Variants in MYO16 observed in about 807,000 individuals in gnomAD.
MYO16 encodes unconventional myosin-XVI.
A neutral mutation model predicts 205.3 loss-of-function variants in MYO16; 94 were observed. That is an observed-to-expected ratio of 0.46 (90% CI 0.39 to 0.54). MYO16 has a LOEUF of 0.54. Among genes scored for constraint, MYO16 ranks in the 20% least tolerant of loss-of-function variants. MYO16 has a pLI of 0.00. For missense variants in MYO16, 2,315 were observed against 2,387.5 expected (o/e 0.97, Z 0.63); for synonymous variants, 988 against 954.0 (o/e 1.04, Z -0.66).
At chr13:108,774,811 C>T (rs1477900887) in intron 4 of MYO16, among the ~76,000 whole-genome samples, 1 of 152,112 alleles carries the variant, frequency 6.6e-6, no homozygotes, top group East Asian at 1.9e-4. Context: ...TGTTAGTAGG[C>T]ACCAAATATC....
intron 27 of MYO16, among the ~76,000 whole-genome samples, chr13:109,078,416 G>A (rs941678674): frequency 1.3e-5 from 2 of 151,930 alleles, no homozygotes; most frequent in African/African-American, 2.4e-5. Context: ...GCTCCGGTCT[G>A]GGCAACAGAG....
chr13:109,207,131 G>A lies in MYO16; in HGVS notation c.*295G>A, dbSNP rs1011311538. ...GAGAGAGGCTGGGAAAAGTGTGGAC[G>A]TGGCCAGAGCGAGAGAGTAGCGGAG... On this transcript the variant is annotated 3_prime_UTR_variant, in exon 35 of 35. Coordinates refer to ENST00000457511, the MANE Select transcript of MYO16 (RefSeq NM_001198950.3). 2.1e-5 allele frequency: 8 copies of A among 376,770 alleles called. No homozygotes were observed. Among genetic ancestry groups the A allele is most frequent in the African/African-American group, 1.0e-4 (5 of 49,220 alleles). The allele number at this position is 376,770 out of a possible 1,614,324, so 23.3% of individuals were successfully genotyped here. A position where few individuals can be genotyped will look rare whatever the true frequency, so the allele number is the denominator to read the frequency against.
chr13:108,816,251 AAAAT>A (rs1485812642), intron 7 of MYO16, among the ~76,000 whole-genome samples: 2 of 152,192 alleles, frequency 1.3e-5, no homozygotes, highest in Non-Finnish European at 2.9e-5. Context: ...TACTTAAAAG[AAAAT>A]AAATAAAAGT....
chr13:108,781,746 G>T (rs1886311067), intron 4 of MYO16, among the ~76,000 whole-genome samples: 1 of 152,156 alleles, frequency 6.6e-6, no homozygotes, highest in East Asian at 1.9e-4. Flanking sequence ...GAGGGACCCA[G>T]GGGGAGGTAA....
At chr13:109,142,472 A>C (rs934777571) in intron 32 of MYO16, among the ~76,000 whole-genome samples, 9 of 151,824 alleles carry the variant, frequency 5.9e-5, no homozygotes, top group African/African-American at 2.2e-4. Flanking sequence ...CCTAGAACTA[A>C]ATTGAAAGGA....
chr13:108,536,647 A>G, the MYO16 span, among the ~76,000 whole-genome samples: 2 of 152,110 alleles, frequency 1.3e-5, no homozygotes, highest in Non-Finnish European at 2.9e-5. Flanking sequence ...CAATTTAATG[A>G]CTTGACAATA....
At chr13:108,525,900 A>C in the MYO16 span, among the ~76,000 whole-genome samples, 1 of 151,378 alleles carries the variant, frequency 6.6e-6, no homozygotes, top group African/African-American at 2.4e-5. Context: ...TTCTTGTTTT[A>C]AGTGTGGCAA....
At chr13:108,931,454 C>T (rs556267355) in intron 16 of MYO16, among the ~76,000 whole-genome samples, 7 of 152,342 alleles carry the variant, frequency 4.6e-5, no homozygotes, top group African/African-American at 7.2e-5. Flanking sequence ...TGAGGACCTT[C>T]TGCTATTTGT....
rs1411979313 is a variant in MYO16 at position 109,140,145 on chromosome 13, C to T, written c.4052-119C>T. 1 of 1,481,098 alleles carries T rather than the reference C, an allele frequency of 6.8e-7. No individual in the cohort carries two copies. Among genetic ancestry groups the T allele is most frequent in the Non-Finnish European group, 8.9e-7 (1 of 1,125,592 alleles). The allele number at this position is 1,481,098 out of a possible 1,614,324, so 91.7% of individuals were successfully genotyped here. A position where few individuals can be genotyped will look rare whatever the true frequency, so the allele number is the denominator to read the frequency against. Reference sequence around the variant, plus strand: ...CTAGTGGGTGGAGGAACATGCAGGCCCGGTCCCTTGGGATTCTCGGGGCAC... The same window carrying T: ...CTAGTGGGTGGAGGAACATGCAGGCTCGGTCCCTTGGGATTCTCGGGGCAC... On this transcript the variant is annotated intron_variant, in intron 31 of 34. Transcript: ENST00000457511. This position sits in a 1 kb window ranked among gnomAD's most constrained non-coding sequence, Gnocchi z 8.0.
chr13:108,567,197 G>A, the MYO16 span, among the ~76,000 whole-genome samples: 7 of 152,076 alleles, frequency 4.6e-5, no homozygotes, highest in African/African-American at 7.2e-5. Flanking sequence ...CGGAGATAAC[G>A]AAGTAAATAA....
At chr13:108,882,758 C>T (rs1056031738) in intron 12 of MYO16, among the ~76,000 whole-genome samples, 5 of 152,172 alleles carry the variant, frequency 3.3e-5, no homozygotes, top group Non-Finnish European at 7.3e-5. Flanking sequence ...TTTCAGCTTA[C>T]TGCACAGATA....
chr13:108,612,980 A>G (rs1879228895), intron 1 of MYO16, among the ~76,000 whole-genome samples: 1 of 152,184 alleles, frequency 6.6e-6, no homozygotes, highest in Non-Finnish European at 1.5e-5. Flanking sequence ...ATAGCACTTC[A>G]TGTTTGAAGA....
At chr13:108,801,314 G>A (rs1349114352) in intron 6 of MYO16, among the ~76,000 whole-genome samples, 1 of 152,210 alleles carries the variant, frequency 6.6e-6, no homozygotes, top group Non-Finnish European at 1.5e-5. Flanking sequence ...GATCAGAAAA[G>A]CTAAGGGTCT....
At chr13:109,124,175 A>G (rs1417000770) in intron 29 of MYO16, among the ~76,000 whole-genome samples, 2 of 152,186 alleles carry the variant, frequency 1.3e-5, no homozygotes, top group South Asian at 2.1e-4. Flanking sequence ...TAATTGTTAG[A>G]AAGTTCTTTC....
At position 109,019,895 on chromosome 13, in the gene MYO16, T is replaced by C; in HGVS notation, c.2780T>C (p.Met927Thr). The C allele has an allele frequency of 3.7e-6, 6 of 1,614,152 alleles. No individual in the cohort carries two copies. The highest frequency in any genetic ancestry group is 5.1e-6 in the Non-Finnish European group (6 of 1,179,994). Residue 927 changes from methionine to threonine, a missense_variant, in exon 23 of 35, where the codon ATG (methionine) becomes ACG (threonine). Around this residue, in one of 3 missense-constraint regions of MYO16, gnomAD observed 1,213 missense variants for 1,274.4 expected, o/e 0.95. Transcript: ENST00000457511. Reference protein sequence around the residue: ...LKDHGTAFTIMHYAGRVMYDV... With the variant: ...LKDHGTAFTITHYAGRVMYDV... Reference sequence around the variant, plus strand: ...GACCACGGTACAGCCTTCACCATCATGCACTACGCAGGAAGGGTAAGTGGC... The same window carrying C: ...GACCACGGTACAGCCTTCACCATCACGCACTACGCAGGAAGGGTAAGTGGC...
intron 27 of MYO16, among the ~76,000 whole-genome samples, chr13:109,086,840 A>G (rs1375414923): frequency 6.6e-6 from 1 of 152,176 alleles, no homozygotes; most frequent in Non-Finnish European, 1.5e-5. Context: ...CTGAAAAGAA[A>G]TAGGAAGTCC....
chr13:108,914,650 A>G (rs960403984), intron 16 of MYO16, among the ~76,000 whole-genome samples: 1 of 152,132 alleles, frequency 6.6e-6, no homozygotes, highest in Non-Finnish European at 1.5e-5. Flanking sequence ...ACATTGCTGT[A>G]ATTCCCTTTT....
intron 34 of MYO16, among the ~76,000 whole-genome samples, chr13:109,196,455 G>C (rs1260415860): frequency 6.6e-6 from 1 of 152,162 alleles, no homozygotes; most frequent in African/African-American, 2.4e-5. Flanking sequence ...TCTGGACCAT[G>C]ATCATTTATA....
chr13:109,065,526 G>GA (rs78280400), intron 27 of MYO16: 37,997 of 317,828 alleles, frequency 0.12, 46 homozygotes, highest in South Asian at 0.19. Context: ...AGGCCATGCT[G>GA]AAAAAAAAAA....
Sources: allele counts gnomAD v4.1 joint callset (sites outside exome capture counted in the v4.1 genomes callset), GRCh38; gene constraint gnomAD v4.1.1; regional missense constraint gnomAD v4.1.1; non-coding constraint Gnocchi (gnomAD v3.1); transcripts MANE v1.5; gene names NCBI Gene and HGNC (gene_info 2026-07-23, HGNC 2026-07-21).